The following SPATA6 variants were observed in gnomAD, a reference collection of about 807,000 sequenced individuals.
The protein encoded by SPATA6 is spermatogenesis-associated protein 6.
In SPATA6, 56 loss-of-function variants were observed where a neutral mutation model predicts 65.3. The ratio of observed to expected loss-of-function variants is 0.86; its 90% CI spans 0.69 to 1.07. The LOEUF is 1.07. SPATA6 is among the 50% of genes least tolerant of loss of function. SPATA6 has a pLI of 0.00. For synonymous variants in SPATA6, 199 were observed against 213.2 expected (o/e 0.93, Z 0.58); for missense variants, 590 against 594.8 (o/e 0.99, Z 0.08).
rs769312914 is a variant in SPATA6, at chr1:48,411,445, G to GA, written c.405+18dup. ...TGATTTTCCATCAAAAACTGATTCA[G>GA]AAAATTGCAAGCACTTACTCGAAGG... On this transcript the variant is annotated intron_variant, in intron 5 of 12. Transcript: ENST00000371847. 2 of 1,595,140 alleles carry GA rather than the reference G, an allele frequency of 1.3e-6. No individual in the cohort carries two copies. The highest frequency in any genetic ancestry group is 8.5e-7 in the Non-Finnish European group (1 of 1,170,034).
At chr1:48,352,705 G>A (rs1646544282) in intron 11 of SPATA6, among the ~76,000 whole-genome samples, 1 of 151,864 alleles carries the variant, frequency 6.6e-6, no homozygotes. Flanking sequence ...ACAGATGAAA[G>A]ACATGAGTTC....
intron 3 of SPATA6, among the ~76,000 whole-genome samples, chr1:48,420,708 G>A (rs1653242654): frequency 6.6e-6 from 1 of 152,170 alleles, no homozygotes; most frequent in African/African-American, 2.4e-5. Context: ...ATAAGAGCCA[G>A]GGAGGCAAGT....
chr1:48,394,978 A>G (rs1348282451), intron 8 of SPATA6, among the ~76,000 whole-genome samples: 4 of 152,116 alleles, frequency 2.6e-5, no homozygotes, highest in Admixed American at 6.6e-5. Context: ...GTAAAAGTAA[A>G]TTAATCAAGT....
At chr1:48,392,266 G>A (rs533469295) in intron 8 of SPATA6, among the ~76,000 whole-genome samples, 1 of 152,182 alleles carries the variant, frequency 6.6e-6, no homozygotes, top group African/African-American at 2.4e-5. Context: ...GAGAAGAAAA[G>A]AAGTTTCCTC....
chr1:48,387,184 C>CT (rs1247866953), intron 8 of SPATA6, among the ~76,000 whole-genome samples: 2 of 152,116 alleles, frequency 1.3e-5, no homozygotes, highest in Non-Finnish European at 2.9e-5. Flanking sequence ...CTTACTCACT[C>CT]TCATGAGAAC....
At chr1:48,307,778 C>CAT (rs1471924173) in intron 11 of SPATA6, among the ~76,000 whole-genome samples, 1 of 151,628 alleles carries the variant, frequency 6.6e-6, no homozygotes, top group African/African-American at 2.4e-5. Flanking sequence ...CTTTTAAGTG[C>CAT]ATATATATTT....
At chr1:48,453,206 A>T in intron 1 of SPATA6, 75 bp from the exon 2 acceptor site, 1 of 1,431,604 alleles carries the variant, frequency 7.0e-7, no homozygotes, top group Non-Finnish European at 9.3e-7. Flanking sequence ...TAACTTATCA[A>T]ATATTACATA....
Position 48,359,723 on chromosome 1 carries a change from T to G in SPATA6, c.957A>C (p.Lys319Asn). ...ACCTTGGGCTCAAATACTCTTCACATTTTTCTAAAGAGTCATCGAAGTCTC... is the reference window on the plus strand; with the variant it reads ...ACCTTGGGCTCAAATACTCTTCACAGTTTTCTAAAGAGTCATCGAAGTCTC... Reference protein sequence around the residue: ...HGRDFDDSLEKCEEYLSPRSC... With the variant: ...HGRDFDDSLENCEEYLSPRSC... Residue 319 changes from lysine to asparagine, a missense_variant, in exon 10 of 13, where the codon AAA (lysine) becomes AAC (asparagine). Physicochemically the swap from Lys to Asn is moderately conservative, Grantham distance 94. Coordinates refer to ENST00000371847, the MANE Select transcript of SPATA6 (RefSeq NM_019073.4). 1 of 1,613,474 alleles carries G rather than the reference T, an allele frequency of 6.2e-7. No homozygotes were observed. The highest frequency in any genetic ancestry group is 8.5e-7 in the Non-Finnish European group (1 of 1,179,720).
At chr1:48,436,724 G>A in intron 3 of SPATA6, 2 of 1,614,224 alleles carry the variant, frequency 1.2e-6, no homozygotes, top group South Asian at 1.1e-5. Flanking sequence ...GATATTTACA[G>A]TGTTGGGATT....
the SPATA6 span, among the ~76,000 whole-genome samples, chr1:48,289,114 C>T: frequency 2.0e-5 from 3 of 152,286 alleles, no homozygotes; most frequent in African/African-American, 7.2e-5. Context: ...TGACTGACAC[C>T]TCATATGGCC....
At chr1:48,342,976 T>G (rs1018330487) in intron 11 of SPATA6, among the ~76,000 whole-genome samples, 1 of 152,224 alleles carries the variant, frequency 6.6e-6, no homozygotes, top group East Asian at 1.9e-4. Context: ...AAACCACCAG[T>G]AGTAATAAGA....
At chr1:48,466,896 A>G (rs1657850565) in intron 1 of SPATA6, among the ~76,000 whole-genome samples, 1 of 152,046 alleles carries the variant, frequency 6.6e-6, no homozygotes, top group Non-Finnish European at 1.5e-5. Context: ...ATTACATGCA[A>G]TCCCAAATTG....
chr1:48,371,625 C>T lies in SPATA6; in HGVS notation c.910-11855G>A, dbSNP rs576569215. The stretch of plus-strand genomic sequence containing the variant: ...ATACAAAACTGCCCAAGGACTTATG[C>T]TGATAAAACATGCTAAACAAATTAT... On this transcript the variant is annotated intron_variant, in intron 9 of 12. Transcript: ENST00000371847. Among the ~76,000 whole-genome samples, 9 of 152,262 alleles carry T rather than the reference C, an allele frequency of 5.9e-5. No individual in the cohort carries two copies. The South Asian group carries it at 6.2e-4, about 11-fold the overall frequency.
At chr1:48,381,549 A>G (rs1283646223) in intron 9 of SPATA6, among the ~76,000 whole-genome samples, 1 of 151,986 alleles carries the variant, frequency 6.6e-6, no homozygotes, top group Non-Finnish European at 1.5e-5. Context: ...CAGTACCAGT[A>G]GCACAAAATA....
intron 9 of SPATA6, among the ~76,000 whole-genome samples, chr1:48,381,079 A>G (rs1393622591): frequency 1.3e-5 from 2 of 152,150 alleles, no homozygotes; most frequent in South Asian, 2.1e-4. Context: ...TCGTGCTCCT[A>G]TGAGAATCTA....
intron 1 of SPATA6, among the ~76,000 whole-genome samples, chr1:48,463,050 C>A (rs923912609): frequency 6.6e-6 from 1 of 152,132 alleles, no homozygotes; most frequent in African/African-American, 2.4e-5. Context: ...AGGTTCTCAA[C>A]CCCTCAGACT....
chr1:48,363,943 C>G (rs963561244), intron 9 of SPATA6, among the ~76,000 whole-genome samples: 2 of 151,646 alleles, frequency 1.3e-5, no homozygotes, highest in Non-Finnish European at 2.9e-5. Flanking sequence ...TAATGCTATC[C>G]CTCCCCCCTT....
At chr1:48,336,366 C>T (rs886733909) in intron 11 of SPATA6, among the ~76,000 whole-genome samples, 1 of 151,988 alleles carries the variant, frequency 6.6e-6, no homozygotes, top group African/African-American at 2.4e-5. Context: ...ATAGCAAAGA[C>T]ATGTAATCAA....
chr1:48,457,376 G>A (rs987301083), intron 1 of SPATA6, among the ~76,000 whole-genome samples: 2 of 151,826 alleles, frequency 1.3e-5, no homozygotes, highest in African/African-American at 4.8e-5. Flanking sequence ...AGGTTGCAGT[G>A]AGACAAGATC....
Sources: allele counts gnomAD v4.1 joint callset (sites outside exome capture counted in the v4.1 genomes callset), GRCh38; gene constraint gnomAD v4.1.1; transcripts MANE v1.5; gene names NCBI Gene and HGNC (gene_info 2026-07-23, HGNC 2026-07-21).